The following ITPR1 variants were observed in gnomAD, a reference collection of about 807,000 sequenced individuals.
ITPR1 encodes inositol 1,4,5-trisphosphate receptor type 1, also known as inositol 1,4,5-trisphosphate-gated calcium channel ITPR1.
Under a neutral mutation model 318.4 loss-of-function variants are expected in ITPR1, and 96 were observed. The ratio of observed to expected loss-of-function variants is 0.30; its 90% confidence interval spans 0.26 to 0.36. The LOEUF (loss-of-function observed/expected upper bound fraction) is 0.36, where lower values mean the gene tolerates loss of function less well. Among genes scored for constraint, ITPR1 ranks in the 10% least tolerant of loss-of-function variants. ITPR1 has a pLI of 1.00. For synonymous variants in ITPR1, 1,312 were observed against 1,289.9 expected, an observed-to-expected ratio of 1.02 and a Z score of -0.37; for missense variants, 2,440 against 3,460.2, an observed-to-expected ratio of 0.71 and a Z score of 7.40.
intron 53 of ITPR1, among the ~76,000 whole-genome samples, chr3:4,795,403 A>G (rs2047834972): frequency 6.6e-6 from 1 of 152,236 alleles, no homozygotes; most frequent in African/African-American, 2.4e-5. Context: ...ACCAGGAAAG[A>G]AAGAGAAGCA....
At chr3:4,808,003 A>G (rs144075248) in intron 55 of ITPR1, among the ~76,000 whole-genome samples, 501 of 152,110 alleles carry the variant, frequency 3.3e-3, no homozygotes, top group African/African-American at 8.6e-3. Flanking sequence ...CTTTCCTCCA[A>G]TCTGCCTCCA....
intron 31 of ITPR1, among the ~76,000 whole-genome samples, chr3:4,688,841 T>C (rs2094437649): frequency 6.6e-6 from 1 of 152,190 alleles, no homozygotes; most frequent in Admixed American, 6.5e-5. Flanking sequence ...GAAAGTGAGA[T>C]GGATAAAGTA....
At chr3:4,724,657 G>A (rs1276682502) in intron 40 of ITPR1, among the ~76,000 whole-genome samples, 2 of 152,168 alleles carry the variant, frequency 1.3e-5, no homozygotes, top group African/African-American at 4.8e-5. Context: ...TCTGCTCCAG[G>A]CACATGTCCT....
intron 30 of ITPR1, among the ~76,000 whole-genome samples, chr3:4,687,746 G>T (rs956757833): frequency 9.2e-5 from 14 of 152,186 alleles, no homozygotes; most frequent in Admixed American, 3.3e-4. Context: ...TGCTATTAAT[G>T]TATGAATCAC....
At chr3:4,679,365 A>C (rs2094251547) in intron 24 of ITPR1, among the ~76,000 whole-genome samples, 1 of 152,202 alleles carries the variant, frequency 6.6e-6, no homozygotes, top group South Asian at 2.1e-4. Flanking sequence ...TGCCACAGCA[A>C]GCTGTGTCCC....
intron 2 of ITPR1, among the ~76,000 whole-genome samples, chr3:4,516,258 G>A (rs1314202573): frequency 6.6e-6 from 1 of 152,164 alleles, no homozygotes; most frequent in African/African-American, 2.4e-5. Context: ...TGTTACTGTG[G>A]TTGGAATATC....
intron 4 of ITPR1, among the ~76,000 whole-genome samples, chr3:4,605,807 C>A (rs76541094): frequency 6.6e-6 from 1 of 152,118 alleles, no homozygotes; most frequent in Non-Finnish European, 1.5e-5. Context: ...GTGAAGCTGG[C>A]GTGATTCCAC....
At chr3:4,715,342 T>C (rs1401958729) in intron 39 of ITPR1, among the ~76,000 whole-genome samples, 1 of 152,240 alleles carries the variant, frequency 6.6e-6, no homozygotes, top group Non-Finnish European at 1.5e-5. Context: ...ACTAAATGTA[T>C]CAAAACTTAA....
intron 23 of ITPR1, among the ~76,000 whole-genome samples, chr3:4,675,636 G>A (rs2094168814): frequency 6.6e-6 from 1 of 152,056 alleles, no homozygotes; most frequent in African/African-American, 2.4e-5. Flanking sequence ...ACATTCGTGA[G>A]ACCCTTGATA....
intron 39 of ITPR1, among the ~76,000 whole-genome samples, chr3:4,715,946 T>TA (rs1285512737): frequency 6.6e-6 from 1 of 151,942 alleles, no homozygotes; most frequent in Non-Finnish European, 1.5e-5. Flanking sequence ...CACTTAGGAA[T>TA]AAAAAAAATC....
At chr3:4,502,470 C>T (rs2081093161) in intron 2 of ITPR1, among the ~76,000 whole-genome samples, 1 of 149,420 alleles carries the variant, frequency 6.7e-6, no homozygotes. Flanking sequence ...GAGAAGGAAT[C>T]TCGCTCTGTC....
At chr3:4,705,982 G>A (rs1178408928) in intron 36 of ITPR1, among the ~76,000 whole-genome samples, 185 bp from the exon 37 acceptor site, 1 of 152,114 alleles carries the variant, frequency 6.6e-6, no homozygotes, top group Non-Finnish European at 1.5e-5. Flanking sequence ...AATTCACACT[G>A]GGAAACCCTG....
intron 52 of ITPR1, among the ~76,000 whole-genome samples, chr3:4,794,050 G>C (rs896711540): frequency 6.6e-6 from 1 of 152,202 alleles, no homozygotes; most frequent in African/African-American, 2.4e-5. Context: ...ATACGATCGA[G>C]ATCCATTCTC....
intron 4 of ITPR1, among the ~76,000 whole-genome samples, chr3:4,584,256 C>A (rs1405276655): frequency 6.6e-6 from 1 of 152,116 alleles, no homozygotes; most frequent in Non-Finnish European, 1.5e-5. Context: ...CCCTTCTTGT[C>A]CCCCAAACCA....
intron 12 of ITPR1, among the ~76,000 whole-genome samples, chr3:4,656,543 G>A (rs746035750): frequency 6.6e-6 from 1 of 152,176 alleles, no homozygotes; most frequent in Non-Finnish European, 1.5e-5. Flanking sequence ...TTGTGAGAAA[G>A]GGAAGAGATA....
chr3:4,507,912 T>C (rs1470360775), intron 2 of ITPR1, among the ~76,000 whole-genome samples: 1 of 152,192 alleles, frequency 6.6e-6, no homozygotes, highest in African/African-American at 2.4e-5. Context: ...AGCTTCACTG[T>C]TTAAGGAGGT....
chr3:4,630,744 C>G (rs2092991812), intron 5 of ITPR1, among the ~76,000 whole-genome samples: 1 of 151,946 alleles, frequency 6.6e-6, no homozygotes. Flanking sequence ...CACCACCACG[C>G]CCTACTAATT....
intron 4 of ITPR1, among the ~76,000 whole-genome samples, chr3:4,578,002 A>C (rs1232047914): frequency 6.6e-6 from 1 of 152,234 alleles, no homozygotes; most frequent in East Asian, 1.9e-4. Context: ...TTTTACCTGA[A>C]GCTCATCCAG....
At chr3:4,695,772 T>C (rs888750691) in intron 33 of ITPR1, among the ~76,000 whole-genome samples, 19 of 152,234 alleles carry the variant, frequency 1.2e-4, no homozygotes, top group Admixed American at 2.6e-4. Context: ...CTTTGGAGCA[T>C]TCCTTTCTAT....
Sources: allele counts gnomAD v4.1 joint callset (sites outside exome capture counted in the v4.1 genomes callset), GRCh38; gene constraint gnomAD v4.1.1; transcripts MANE v1.5; gene names NCBI Gene and HGNC (gene_info 2026-07-23, HGNC 2026-07-21).